Variants in DHX9 observed in about 807,000 individuals in gnomAD.
The protein encoded by DHX9 is ATP-dependent RNA helicase A.
A neutral mutation model predicts 148.7 loss-of-function variants in DHX9; 27 were observed. The observed-to-expected ratio is 0.18, with a 90% CI of 0.13 to 0.25. The LOEUF (loss-of-function observed/expected upper bound fraction) is 0.25. DHX9 is among the 10% of genes least tolerant of loss of function. DHX9 has a pLI of 1.00. For synonymous variants in DHX9, 529 were observed against 516.6 expected (o/e 1.02, Z -0.33); for missense variants, 796 against 1,559.6 (o/e 0.51, Z 8.25).
chr1:182,858,391 C>T, intron 8 of DHX9, 151 bp downstream of exon 8: 1 of 1,093,118 alleles, frequency 9.1e-7, no homozygotes, highest in Non-Finnish European at 1.3e-6. Flanking sequence ...GCATGATGTT[C>T]ATAATAGGCA....
chr1:182,860,953 T>C (rs914790057), intron 12 of DHX9, among the ~76,000 whole-genome samples: 1 of 152,228 alleles, frequency 6.6e-6, no homozygotes. Flanking sequence ...ACATCTTGAC[T>C]TAGAAATTAT....
At position 182,860,015 on chromosome 1, in the gene DHX9, T is replaced by G; in HGVS notation, c.1163T>G (p.Leu388Arg). The change falls in exon 12 of 28, where the codon CTG becomes CGG. Residue 388 changes from leucine (L) to arginine (R), a missense_variant. By Grantham distance (102) the Leu-to-Arg change is moderately radical. Transcript: ENST00000367549. ...LQAILQEREL[L>R]PVKKFESEIL... ...CAGATCTTGCAGGAGAGAGAGTTAC[T>G]GCCTGTGAAGAAATTTGAAAGTGAG... 6.2e-7 allele frequency: 1 copy of G among 1,613,096 alleles called. No individual in the cohort carries two copies. The highest frequency in any genetic ancestry group is 8.5e-7 in the Non-Finnish European group (1 of 1,179,502).
At chr1:182,870,678 A>C (rs1648520556) in intron 14 of DHX9, among the ~76,000 whole-genome samples, 1 of 152,224 alleles carries the variant, frequency 6.6e-6, no homozygotes, top group Admixed American at 6.5e-5. Context: ...ACGTGTTGAC[A>C]CATGAAAGAG....
At position 182,883,365 on chromosome 1, in the gene DHX9, A is replaced by G; in HGVS notation, c.3141A>G (p.Glu1047=). 6.2e-7 allele frequency: 1 copy of G among 1,611,864 alleles called. No individual in the cohort carries two copies. The highest frequency in any genetic ancestry group is 8.5e-7 in the Non-Finnish European group (1 of 1,178,208). Reference sequence around the variant, plus strand: ...CATCTCCCTTCTTTGTATTTGGTGAAAAGGTAAGAAAAGACTAGAAAAGTT... The same window carrying G: ...CATCTCCCTTCTTTGTATTTGGTGAGAAGGTAAGAAAAGACTAGAAAAGTT... The part of the protein sequence containing the change: ...KYPSPFFVFG[E]KIRTRAISAK... Residue 1047 remains glutamate, a synonymous_variant, in exon 25 of 28, where the codon GAA becomes GAG. Transcript: ENST00000367549.
At chr1:182,841,230 G>A (rs866988731) in intron 1 of DHX9, among the ~76,000 whole-genome samples, 3 of 152,116 alleles carry the variant, frequency 2.0e-5, no homozygotes, top group Non-Finnish European at 4.4e-5. Flanking sequence ...GGCGGAGGTT[G>A]CAGTGAGCCA....
In DHX9 at chr1:182,878,189, G is replaced by T. The variant is rs374864926; in HGVS notation, c.2351+16G>T. The T allele has an allele frequency of 3.9e-5, 63 of 1,613,378 alleles. No homozygotes were observed. Among genetic ancestry groups the T allele is most frequent in the Non-Finnish European group, 5.2e-5 (61 of 1,179,714 alleles). ...GTTTTGAGAGGTAAGACCCATTCTT[G>T]ACCTTTAGTAAGGGATTTTTGTTCT... On this transcript the variant is annotated intron_variant, in intron 20 of 27. Coordinates refer to ENST00000367549, the MANE Select transcript of DHX9 (RefSeq NM_001357.5).
At chr1:182,847,920 C>T (rs938272814) in intron 3 of DHX9, among the ~76,000 whole-genome samples, 2 of 152,186 alleles carry the variant, frequency 1.3e-5, no homozygotes, top group African/African-American at 4.8e-5. Flanking sequence ...GTCAGTCTTA[C>T]AGGAACTTAC....
At chr1:182,859,919 T>C in intron 11 of DHX9, 74 bp from the exon 12 acceptor site, 1 of 1,473,344 alleles carries the variant, frequency 6.8e-7, no homozygotes. Context: ...AGATGGAAGT[T>C]TTTTAAAGGA....
chr1:182,883,400 A>C (rs569344489), intron 25 of DHX9, 32 bp downstream of exon 25: 7 of 1,599,766 alleles, frequency 4.4e-6, no homozygotes, highest in Non-Finnish European at 4.3e-6. Context: ...TTACATTGAA[A>C]GTTGAAATTG....
intron 16 of DHX9, among the ~76,000 whole-genome samples, chr1:182,875,695 T>C (rs1399905548): frequency 6.6e-6 from 1 of 152,190 alleles, no homozygotes; most frequent in Non-Finnish European, 1.5e-5. Flanking sequence ...GCAACAACTG[T>C]TTCTCAACTT....
intron 3 of DHX9, among the ~76,000 whole-genome samples, chr1:182,845,786 C>A (rs1668017217): frequency 6.6e-6 from 1 of 152,158 alleles, no homozygotes; most frequent in South Asian, 2.1e-4. Flanking sequence ...CTCAGGAAAA[C>A]CTACATTTAC....
rs1667953248 is a variant in DHX9, at chr1:182,842,652, A to G, written c.86A>G (p.Lys29Arg). 3 of 1,613,430 alleles carry G rather than the reference A, an allele frequency of 1.9e-6. No homozygotes were observed. Among genetic ancestry groups the G allele is most frequent in the African/African-American group, 1.3e-5 (1 of 74,910 alleles). The part of the protein sequence containing the change: ...PSYEIRAVGN[K>R]NRQKFMCEVQ... The stretch of plus-strand genomic sequence containing the variant: ...TATGAAATTAGAGCAGTGGGGAACA[A>G]AAACAGGCAGAAATTCATGTGTGAG... Residue 29 changes from lysine to arginine, a missense_variant, in exon 2 of 28, where the codon AAA becomes AGA. Transcript: ENST00000367549.
chr1:182,851,492 G>T (rs72727042), intron 3 of DHX9, among the ~76,000 whole-genome samples: 12 of 152,252 alleles, frequency 7.9e-5, no homozygotes, highest in Non-Finnish European at 1.6e-4. Flanking sequence ...GAATGAAACA[G>T]GAGAAATTAA....
chr1:182,859,135 A>G lies in DHX9; in HGVS notation c.1140+18A>G. 6.2e-7 allele frequency: 1 copy of G among 1,604,284 alleles called. No individual in the cohort carries two copies. Among genetic ancestry groups the G allele is most frequent in the Non-Finnish European group, 8.5e-7 (1 of 1,171,294 alleles). ...TGCAAGCAGTAAGTCTGAATTATTT[A>G]GACAAGTAGTGCTCAGAGCTTCAGA... On this transcript the variant is annotated intron_variant, in intron 11 of 27. Transcript: ENST00000367549.
At chr1:182,842,521 T>A (rs755292983) in intron 1 of DHX9, 24 bp from the exon 2 acceptor site, 1 of 1,470,340 alleles carries the variant, frequency 6.8e-7, no homozygotes, top group Admixed American at 1.9e-5. Flanking sequence ...AAATGCTGTT[T>A]TTAACTGACT....
chr1:182,848,812 TG>T (rs1278314948), intron 3 of DHX9, among the ~76,000 whole-genome samples: 2 of 152,060 alleles, frequency 1.3e-5, no homozygotes, highest in Non-Finnish European at 2.9e-5. Context: ...CTTAGAATGA[TG>T]GCAGAAGGTG....
rs373987856 is a variant in DHX9, at chr1:182,881,546, G to A, written c.2813G>A (p.Arg938His). ...ATGGGTGGAGAAGAAGCAGAGATAC[G>A]TTTTTGTGAGCACAAAAGACTTAAT... is the stretch of plus-strand genomic sequence containing the variant. Reference protein sequence around the residue: ...ARMGGEEAEIRFCEHKRLNMA... With the variant: ...ARMGGEEAEIHFCEHKRLNMA... The change falls in exon 24 of 28, where the codon CGT (arginine) becomes CAT (histidine). Residue 938 changes from arginine to histidine, a missense_variant. Physicochemically the swap from Arg to His is conservative, Grantham distance 29. Transcript: ENST00000367549. 1.2e-5 allele frequency: 19 copies of A among 1,612,950 alleles called. No homozygotes were observed. The highest frequency in any genetic ancestry group is 1.4e-5 in the Non-Finnish European group (17 of 1,179,768).
chr1:182,852,495 C>G, intron 4 of DHX9, 151 bp downstream of exon 4: 2 of 527,592 alleles, frequency 3.8e-6, no homozygotes, highest in Non-Finnish European at 6.6e-6. Flanking sequence ...CACATATTAC[C>G]AGATCATTTA....
rs1157833566 is a variant in DHX9 at position 182,859,128 on chromosome 1, A to T, written c.1140+11A>T. 6.2e-7 allele frequency: 1 copy of T among 1,611,658 alleles called. No individual in the cohort carries two copies. Among genetic ancestry groups the T allele is most frequent in the Middle Eastern group, 1.7e-4 (1 of 6,056 alleles). On this transcript the variant is annotated intron_variant, in intron 11 of 27. Transcript: ENST00000367549. The stretch of plus-strand genomic sequence containing the variant: ...CATGATTTGCAAGCAGTAAGTCTGA[A>T]TTATTTAGACAAGTAGTGCTCAGAG...
Sources: allele counts gnomAD v4.1 joint callset (sites outside exome capture counted in the v4.1 genomes callset), GRCh38; gene constraint gnomAD v4.1.1; transcripts MANE v1.5; gene names NCBI Gene and HGNC (gene_info 2026-07-23, HGNC 2026-07-21).